FRK: variants seen among roughly 807,000 people sequenced by gnomAD.
FRK encodes the protein fyn related Src family tyrosine kinase.
In FRK, 51 loss-of-function variants were observed where a neutral mutation model predicts 56.4. The observed-to-expected ratio is 0.90, with a 90% CI of 0.72 to 1.14. The LOEUF (loss-of-function observed/expected upper bound fraction) is 1.14. Among genes scored for constraint, FRK ranks in the 50% most tolerant of loss-of-function variants. FRK has a pLI of 0.00. For synonymous variants in FRK, 245 were observed against 217.9 expected, an observed-to-expected ratio of 1.12 and a Z score of -1.10; for missense variants, 570 against 601.4, an observed-to-expected ratio of 0.95 and a Z score of 0.55.
intron 4 of FRK, 70 bp downstream of exon 4, chr6:115,967,481 A>C: frequency 1.4e-6 from 2 of 1,454,614 alleles, no homozygotes; most frequent in Non-Finnish European, 1.9e-6. Flanking sequence ...ATGACCTCTT[A>C]GATATTTACA....
chr6:116,035,320 T>A (rs1237402999), intron 1 of FRK, among the ~76,000 whole-genome samples: 1 of 152,042 alleles, frequency 6.6e-6, no homozygotes, highest in Non-Finnish European at 1.5e-5. Flanking sequence ...AGTGGTGACC[T>A]CAAGAGAGGT....
chr6:115,949,790 T>G (rs766314955), intron 5 of FRK, among the ~76,000 whole-genome samples: 41 of 152,066 alleles, frequency 2.7e-4, no homozygotes, highest in African/African-American at 8.0e-4. Context: ...TATACTACAA[T>G]GCTACAGTAA....
At chr6:115,962,575 C>A (rs1462553587) in intron 4 of FRK, among the ~76,000 whole-genome samples, 17 of 80,438 alleles carry the variant, frequency 2.1e-4, no homozygotes, top group Non-Finnish European at 3.4e-4. Flanking sequence ...CTCTCCACCC[C>A]AAATCAACAG....
chr6:115,975,388 G>T (rs1454403343), intron 2 of FRK, among the ~76,000 whole-genome samples: 1 of 152,138 alleles, frequency 6.6e-6, no homozygotes, highest in Non-Finnish European at 1.5e-5. Flanking sequence ...TAGCCAGGAT[G>T]AAGGCACTTT....
intron 1 of FRK, among the ~76,000 whole-genome samples, chr6:116,049,008 T>C (rs1562305009): frequency 6.6e-6 from 1 of 152,032 alleles, no homozygotes; most frequent in Non-Finnish European, 1.5e-5. Context: ...CAAATTAAAA[T>C]TAAGCCCTTA....
At chr6:115,949,941 C>T (rs545752991) in intron 5 of FRK, among the ~76,000 whole-genome samples, 5 of 152,276 alleles carry the variant, frequency 3.3e-5, no homozygotes, top group African/African-American at 1.2e-4. Flanking sequence ...AAAGGATTCC[C>T]TATTAAATAA....
intron 2 of FRK, among the ~76,000 whole-genome samples, chr6:115,979,444 A>G (rs776520956): frequency 3.9e-5 from 6 of 152,202 alleles, no homozygotes; most frequent in Non-Finnish European, 8.8e-5. Flanking sequence ...CTGTTATTAC[A>G]AAAGAGTCAA....
At chr6:116,075,801 G>C in the FRK span, among the ~76,000 whole-genome samples, 1 of 152,148 alleles carries the variant, frequency 6.6e-6, no homozygotes, top group African/African-American at 2.4e-5. Context: ...CACTTTACAG[G>C]TGCTCAAAGA....
chr6:116,068,656 T>C, the FRK span, among the ~76,000 whole-genome samples: 4 of 152,108 alleles, frequency 2.6e-5, no homozygotes, highest in African/African-American at 9.7e-5. Flanking sequence ...CAACATGGGA[T>C]GCTGGACTCA....
intron 1 of FRK, among the ~76,000 whole-genome samples, chr6:116,055,194 TA>T: frequency 6.6e-6 from 1 of 152,282 alleles, no homozygotes; most frequent in Non-Finnish European, 1.5e-5. Context: ...ATAGGTTAGA[TA>T]AAATCTTCAA....
chr6:116,019,216 A>T (rs1775770347), intron 1 of FRK, among the ~76,000 whole-genome samples: 1 of 152,160 alleles, frequency 6.6e-6, no homozygotes, highest in Non-Finnish European at 1.5e-5. Context: ...TGGAAACCTT[A>T]TCTTTTACTT....
chr6:115,944,192 T>A, intron 6 of FRK, 52 bp downstream of exon 6: 1 of 1,431,744 alleles, frequency 7.0e-7, no homozygotes, highest in Non-Finnish European at 9.6e-7. Flanking sequence ...GTCTACTAAC[T>A]GTTAGACTTT....
chr6:115,958,681 AAAGAAAGAAAGAAAGAAAGAAAG>A (rs1562257203), intron 4 of FRK, among the ~76,000 whole-genome samples: 44 of 4,052 alleles, frequency 0.011, 5 homozygotes, highest in Non-Finnish European at 0.019. Context: ...AGAAAGAAAG[AAAGAAAGAAAGAAAGAAAGAAAG>A]AAGAAAGAAA....
chr6:116,045,991 C>T (rs1313824966), intron 1 of FRK, among the ~76,000 whole-genome samples: 1 of 152,118 alleles, frequency 6.6e-6, no homozygotes, highest in African/African-American at 2.4e-5. Flanking sequence ...AGGATATGAA[C>T]AGACACTTCT....
the FRK span, among the ~76,000 whole-genome samples, chr6:116,099,546 C>T: frequency 1.3e-5 from 2 of 152,196 alleles, no homozygotes; most frequent in African/African-American, 4.8e-5. Flanking sequence ...TTGTTGGACT[C>T]ATCAGTGAAC....
chr6:116,010,771 T>TA (rs1185900971), intron 1 of FRK, among the ~76,000 whole-genome samples: 4 of 152,230 alleles, frequency 2.6e-5, no homozygotes, highest in African/African-American at 9.6e-5. Flanking sequence ...TAAAGTGCTT[T>TA]ATGTCTCGAC....
At chr6:116,032,314 A>C (rs375399823) in intron 1 of FRK, among the ~76,000 whole-genome samples, 3 of 152,246 alleles carry the variant, frequency 2.0e-5, no homozygotes, top group East Asian at 1.9e-4. Flanking sequence ...GCAACACATG[A>C]GAAAAAAGAG....
chr6:116,029,605 A>C (rs926335581), intron 1 of FRK, among the ~76,000 whole-genome samples: 3 of 152,122 alleles, frequency 2.0e-5, no homozygotes, highest in African/African-American at 7.2e-5. Flanking sequence ...GTATTGTTCT[A>C]TTGCATAAAG....
chr6:116,044,215 C>G (rs1000524548), intron 1 of FRK, among the ~76,000 whole-genome samples: 6 of 152,136 alleles, frequency 3.9e-5, no homozygotes, highest in African/African-American at 1.4e-4. Context: ...AAAAGAGGCA[C>G]TGCTCCCTAA....
Sources: gnomAD v4.1 joint callset for allele counts (sites outside exome capture counted in the v4.1 genomes callset) on GRCh38, gnomAD v4.1.1 for gene constraint, MANE v1.5 for transcripts, NCBI Gene and HGNC (gene_info 2026-07-23, HGNC 2026-07-21) for gene names.